ANKS1B: variants seen among roughly 807,000 people sequenced by gnomAD.
ANKS1B encodes ankyrin repeat and sterile alpha motif domain-containing protein 1B.
In ANKS1B, 36 loss-of-function variants were observed where a neutral mutation model predicts 148.3. The ratio of observed to expected loss-of-function variants is 0.24; its 90% CI spans 0.19 to 0.32. The LOEUF is 0.32. Among genes scored for constraint, ANKS1B ranks in the 10% least tolerant of loss-of-function variants. The probability of loss-of-function intolerance (pLI) is 1.00; values close to 1 mark genes in which losing one functional copy is unlikely to be tolerated. For synonymous variants in ANKS1B, 542 were observed against 560.8 expected (o/e 0.97, Z 0.47); for missense variants, 1,157 against 1,542.6 (o/e 0.75, Z 4.19).
Position 99,258,619 on chromosome 12 carries a change from T to TTG in ANKS1B, c.1757-11756_1757-11755insCA, listed in dbSNP as rs779387600. Among the ~76,000 whole-genome samples the TTG allele has an allele frequency of 8.0e-4, 121 of 151,196 alleles. 3 individuals carry two copies. In the South Asian group the frequency reaches 0.02, roughly 26 times the overall value. On this transcript the variant is annotated intron_variant, in intron 12 of 26. Coordinates refer to ENST00000683438, the MANE Select transcript of ANKS1B (RefSeq NM_001352186.2). ...GAAATATTATCCACTTGTTTTTTTT[T>TTG]TTTTTTTTTACTTATAATGTAAACT...
intron 16 of ANKS1B, among the ~76,000 whole-genome samples, chr12:99,059,616 C>T (rs1355681597): frequency 6.6e-6 from 1 of 151,952 alleles, no homozygotes; most frequent in African/African-American, 2.4e-5. Flanking sequence ...CACTTCATCT[C>T]TCTAAGCTTC....
chr12:99,003,686 C>G (rs1259151767), intron 17 of ANKS1B, among the ~76,000 whole-genome samples: 4 of 152,194 alleles, frequency 2.6e-5, no homozygotes, highest in Non-Finnish European at 5.9e-5. Flanking sequence ...CTTTTACTCA[C>G]CACAGAACAA....
rs1180061246 is a variant in ANKS1B at position 99,246,756 on chromosome 12, G to A, written c.1865C>T (p.Pro622Leu). The change falls in exon 13 of 27, where the codon CCA (proline) becomes CTA (leucine). Residue 622 changes from proline (P) to leucine (L), a missense_variant. Pro to Leu is a moderately conservative substitution (Grantham distance 98). Transcript: ENST00000683438. ...SSPACESPEN[P>L]FHLYGKREQC... ...TTCTCTTTTCCCATAGAGATGAAAT[G>A]GATTTTCAGGGGACTCACAGGCTGG... 8 of 1,613,760 alleles carry A rather than the reference G, an allele frequency of 5.0e-6. No individual in the cohort carries two copies. Among genetic ancestry groups the A allele is most frequent in the Admixed American group, 1.7e-5 (1 of 59,986 alleles).
At chr12:99,066,008 G>A (rs2153573773) in intron 16 of ANKS1B, among the ~76,000 whole-genome samples, 1 of 151,988 alleles carries the variant, frequency 6.6e-6, no homozygotes, top group Non-Finnish European at 1.5e-5. Context: ...GAGAAGATTT[G>A]GACAAAGATT....
At chr12:99,840,382 T>G (rs1011400772) in intron 1 of ANKS1B, among the ~76,000 whole-genome samples, 3 of 152,092 alleles carry the variant, frequency 2.0e-5, no homozygotes, top group Non-Finnish European at 4.4e-5. Flanking sequence ...GACTTTGGCC[T>G]TGACTGATAT....
At chr12:99,036,500 G>A (rs1403002509) in intron 17 of ANKS1B, among the ~76,000 whole-genome samples, 1 of 152,100 alleles carries the variant, frequency 6.6e-6, no homozygotes, top group African/African-American at 2.4e-5. Flanking sequence ...CCTCACAATT[G>A]CCATCACATG....
intron 9 of ANKS1B, among the ~76,000 whole-genome samples, chr12:99,565,711 G>A (rs1043210446): frequency 6.6e-6 from 1 of 152,036 alleles, no homozygotes; most frequent in African/African-American, 2.4e-5. Flanking sequence ...GAATTTTGGG[G>A]ACTTAACCAT....
chr12:98,998,662 C>T (rs572839635), intron 17 of ANKS1B, among the ~76,000 whole-genome samples: 1 of 152,234 alleles, frequency 6.6e-6, no homozygotes, highest in African/African-American at 2.4e-5. Context: ...ATGTAGCCTT[C>T]ATGTGTCTAT....
At chr12:99,912,652 C>A (rs372200012) in intron 1 of ANKS1B, among the ~76,000 whole-genome samples, 1 of 152,048 alleles carries the variant, frequency 6.6e-6, no homozygotes, top group East Asian at 1.9e-4. Context: ...GCACCTGGCC[C>A]CAGTTAATTT....
intron 8 of ANKS1B, among the ~76,000 whole-genome samples, chr12:99,754,376 A>G (rs6538940): frequency 0.44 from 66,428 of 151,992 alleles, 14,917 homozygotes; most frequent in South Asian, 0.61. Context: ...AGAGACTTTC[A>G]AAAAGACTTA....
intron 9 of ANKS1B, among the ~76,000 whole-genome samples, chr12:99,509,847 A>T (rs2096746558): frequency 6.6e-6 from 1 of 152,036 alleles, no homozygotes; most frequent in African/African-American, 2.4e-5. Flanking sequence ...GCTTGGCTTC[A>T]AACTTTAAAA....
chr12:99,625,298 T>C (rs2098100675), intron 9 of ANKS1B, among the ~76,000 whole-genome samples: 1 of 152,144 alleles, frequency 6.6e-6, no homozygotes, highest in African/African-American at 2.4e-5. Context: ...GTTTACTATA[T>C]GGGTGATAGG....
intron 1 of ANKS1B, among the ~76,000 whole-genome samples, chr12:99,951,590 T>C (rs2095223491): frequency 6.6e-6 from 1 of 151,998 alleles, no homozygotes. Flanking sequence ...TAAATGGTAT[T>C]TGGAGCTAGT....
intron 8 of ANKS1B, among the ~76,000 whole-genome samples, chr12:99,742,242 T>C (rs1461565171): frequency 6.7e-6 from 1 of 150,178 alleles, no homozygotes; most frequent in Non-Finnish European, 1.5e-5. Flanking sequence ...CATGTACCCC[T>C]GAACTTAAAA....
chr12:99,908,189 T>A (rs1344777293), intron 1 of ANKS1B, among the ~76,000 whole-genome samples: 1 of 152,178 alleles, frequency 6.6e-6, no homozygotes, highest in Non-Finnish European at 1.5e-5. Flanking sequence ...TAATATACAG[T>A]TACTAAATTC....
At chr12:99,558,470 G>T (rs2153190522) in intron 9 of ANKS1B, among the ~76,000 whole-genome samples, 1 of 152,238 alleles carries the variant, frequency 6.6e-6, no homozygotes, top group African/African-American at 2.4e-5. Flanking sequence ...GGGGAGGGGA[G>T]GTAGTGGTCC....
chr12:99,848,228 C>T (rs1442627602), intron 1 of ANKS1B, among the ~76,000 whole-genome samples: 1 of 152,060 alleles, frequency 6.6e-6, no homozygotes, highest in Non-Finnish European at 1.5e-5. Flanking sequence ...ATACTGTGGG[C>T]AGTCACAGTG....
chr12:99,780,105 C>CTACACACACACA, intron 5 of ANKS1B, 133 bp from the exon 6 acceptor site: 1 of 655,820 alleles, frequency 1.5e-6, no homozygotes. Context: ...AAATTAAGTT[C>CTACACACACACA]TACACACACA....
chr12:99,910,745 C>G (rs1461903760), intron 1 of ANKS1B, among the ~76,000 whole-genome samples: 3 of 152,058 alleles, frequency 2.0e-5, no homozygotes, highest in Non-Finnish European at 4.4e-5. Flanking sequence ...ATGTATCTAA[C>G]GCAACAGTCT....
Sources: gnomAD v4.1 joint callset for allele counts (sites outside exome capture counted in the v4.1 genomes callset) on GRCh38, gnomAD v4.1.1 for gene constraint, MANE v1.5 for transcripts, NCBI Gene and HGNC (gene_info 2026-07-23, HGNC 2026-07-21) for gene names.